The following DNAH17 variants were observed in gnomAD, a reference collection of about 807,000 sequenced individuals.
The protein encoded by DNAH17 is dynein axonemal heavy chain 17.
In DNAH17, 376 loss-of-function variants were observed where a neutral mutation model predicts 485.6. The ratio of observed to expected loss-of-function variants is 0.77; its 90% CI spans 0.71 to 0.84. The LOEUF is 0.84. Among genes scored for constraint, DNAH17 ranks in the 40% least tolerant of loss-of-function variants. DNAH17 has a pLI of 0.00. For missense variants in DNAH17, 6,370 were observed against 5,839.3 expected (o/e 1.09, Z -2.96); for synonymous variants, 3,031 against 2,405.9 (o/e 1.26, Z -7.60).
At chr17:78,521,892 C>T (rs952445238) in intron 25 of DNAH17, among the ~76,000 whole-genome samples, 8 of 152,062 alleles carry the variant, frequency 5.3e-5, no homozygotes, top group African/African-American at 1.2e-4. Flanking sequence ...GAGGCTGAGG[C>T]GAGAGAATCC....
chr17:78,562,984 C>G (rs970939194), intron 11 of DNAH17, among the ~76,000 whole-genome samples: 1 of 152,198 alleles, frequency 6.6e-6, no homozygotes, highest in African/African-American at 2.4e-5. Context: ...AGACCAGCTG[C>G]GGTGAGCCTG....
chr17:78,570,080 A>G (rs1219694845), intron 7 of DNAH17, among the ~76,000 whole-genome samples, 167 bp downstream of exon 7: 1 of 152,136 alleles, frequency 6.6e-6, no homozygotes, highest in Non-Finnish European at 1.5e-5. Context: ...AACTCTAGGT[A>G]GCCTTGAAGA....
chr17:78,462,957 G>A lies in DNAH17; in HGVS notation c.9061C>T (p.Leu3021=), dbSNP rs191885668. The change falls in exon 57 of 81, where the codon CTG becomes TTG. Residue 3021 remains leucine, a synonymous_variant. Transcript: ENST00000389840. ...RYNYTTPKTF[L]EQIKLYQNLL... ...TTCTGGTACAGTTTGATCTGCTCCA[G>A]AAAGGTTTTGGGTGTGGTGTAGTTG... is the stretch of plus-strand genomic sequence containing the variant. 80 of 1,614,012 alleles carry A rather than the reference G, an allele frequency of 5.0e-5. No individual in the cohort carries two copies. In the African/African-American group the frequency reaches 7.5e-4, roughly 15 times the overall value.
chr17:78,554,933 G>C (rs1263088670), intron 14 of DNAH17, among the ~76,000 whole-genome samples: 1 of 152,076 alleles, frequency 6.6e-6, no homozygotes, highest in Non-Finnish European at 1.5e-5. Flanking sequence ...TTTTTGTAGG[G>C]ATAGGGTATT....
Position 78,444,742 on chromosome 17 carries a change from G to A in DNAH17, c.11390C>T (p.Ala3797Val). The change falls in exon 71 of 81, where the codon GCC (alanine) becomes GTC (valine). Residue 3797 changes from alanine to valine, a missense_variant. Physicochemically the swap from Ala to Val is moderately conservative, Grantham distance 64. Coordinates refer to ENST00000389840, the MANE Select transcript of DNAH17 (RefSeq NM_173628.4). ...CTCCACCAGCTTTTTCCAGCGCTTGGCAGATCCTTCGATGTCACTGTCCAG... is the reference window on the plus strand; with the variant it reads ...CTCCACCAGCTTTTTCCAGCGCTTGACAGATCCTTCGATGTCACTGTCCAG... ...KNLDSDIEGS[A>V]KRWKKLVESE... The A allele has an allele frequency of 6.2e-7, 1 of 1,602,520 alleles. No individual in the cohort carries two copies.
At chr17:78,424,235 C>T in intron 80 of DNAH17, 82 bp from the exon 81 acceptor site, 2 of 1,489,844 alleles carry the variant, frequency 1.3e-6, no homozygotes, top group South Asian at 1.3e-5. Flanking sequence ...GGTCCTCACA[C>T]TCCCCGCCCT....
Position 78,553,283 on chromosome 17 carries a change from G to GGTTTTTTTTTTTTTT in DNAH17, c.2179-479_2179-478insAAAAAAAAAAAAAAC, listed in dbSNP as rs2091944708. ...AAATTACCCAGTCCCAGGTTTTTGT[G>GGTTTTTTTTTTTTTT]TTTTTTTTTTTTTTTTTTTTTTTTT... is the stretch of plus-strand genomic sequence containing the variant. On this transcript the variant is annotated intron_variant, in intron 14 of 80. Transcript: ENST00000389840. 2.0e-4 allele frequency among the ~76,000 whole-genome samples: 10 copies of GGTTTTTTTTTTTTTT among 51,018 alleles called. 3 individuals are homozygous for GGTTTTTTTTTTTTTT. Among genetic ancestry groups the GGTTTTTTTTTTTTTT allele is most frequent in the African/African-American group, 5.4e-4 (6 of 11,072 alleles). 33.5% of individuals were successfully genotyped at this position (51,018 alleles called of 152,430 possible).
chr17:78,493,473 G>A (rs139449448), intron 41 of DNAH17, among the ~76,000 whole-genome samples: 59 of 152,368 alleles, frequency 3.9e-4, no homozygotes, highest in African/African-American at 1.3e-3. Context: ...GACATTTCCT[G>A]TATGTGTATG....
In DNAH17 at chr17:78,501,223, C is replaced by G. The variant is rs2090277341; in HGVS notation, c.5444G>C (p.Gly1815Ala). 1 of 1,601,764 alleles carries G rather than the reference C, an allele frequency of 6.2e-7. No homozygotes were observed. The highest frequency in any genetic ancestry group is 8.5e-7 in the Non-Finnish European group (1 of 1,170,376). ...GGTGATGACCAGCCGCGGCGTGTTG[C>G]CCAGATACTCATAGGAATACTGGAT... is the stretch of plus-strand genomic sequence containing the variant. Reference protein sequence around the residue: ...AQIQYSYEYLGNTPRLVITPL... With the variant: ...AQIQYSYEYLANTPRLVITPL... The change falls in exon 35 of 81, where the codon GGC becomes GCC. Residue 1815 changes from glycine (G) to alanine (A), a missense_variant. Coordinates refer to ENST00000389840, the MANE Select transcript of DNAH17 (RefSeq NM_173628.4).
intron 75 of DNAH17, 87 bp from the exon 76 acceptor site, chr17:78,429,387 G>A: frequency 2.1e-6 from 3 of 1,426,792 alleles, no homozygotes; most frequent in Non-Finnish European, 2.9e-6. Context: ...GGCAGGGCGT[G>A]GGAACCCAGC....
At chr17:78,508,430 G>A (rs2120660) in intron 27 of DNAH17, among the ~76,000 whole-genome samples, 62,472 of 152,088 alleles carry the variant, frequency 0.41, 13,431 homozygotes, top group African/African-American at 0.49. Context: ...CTGCAACTCA[G>A]TACTTAAGTG....
At chr17:78,570,045 T>C (rs906607420) in intron 7 of DNAH17, among the ~76,000 whole-genome samples, 1 of 152,210 alleles carries the variant, frequency 6.6e-6, no homozygotes, top group African/African-American at 2.4e-5. Flanking sequence ...TCCCTTTCTT[T>C]TCCCTCAGTA....
chr17:78,509,024 T>C (rs1218930012), intron 27 of DNAH17, among the ~76,000 whole-genome samples: 4 of 129,028 alleles, frequency 3.1e-5, no homozygotes, highest in South Asian at 5.1e-4. Context: ...TGGACTGCAG[T>C]GGCGCGATCT....
In DNAH17 at chr17:78,444,806, A is replaced by G. The variant is rs2087211935; in HGVS notation, c.11335-9T>C. ...TCCATCTCCGAGAGGGCCTAGGGGC[A>G]GAGGCAGCGGGCCCTGTGACTCTTC... is the stretch of plus-strand genomic sequence containing the variant. On this transcript the variant is annotated splice_polypyrimidine_tract_variant and intron_variant, in intron 70 of 80. Coordinates refer to ENST00000389840, the MANE Select transcript of DNAH17 (RefSeq NM_173628.4). 1.3e-6 allele frequency: 2 copies of G among 1,554,820 alleles called. No homozygotes were observed. Among genetic ancestry groups the G allele is most frequent in the Non-Finnish European group, 1.7e-6 (2 of 1,152,852 alleles).
intron 22 of DNAH17, among the ~76,000 whole-genome samples, chr17:78,527,507 TTGTGGGTGTGGG>T (rs376997746): frequency 6.6e-6 from 1 of 152,160 alleles, no homozygotes; most frequent in Non-Finnish European, 1.5e-5. Context: ...CTGAATCCAT[TTGTGGGTGTGGG>T]TGTGGGTGTG....
intron 16 of DNAH17, among the ~76,000 whole-genome samples, chr17:78,547,439 A>G (rs4969206): frequency 0.11 from 16,425 of 152,102 alleles, 1,280 homozygotes; most frequent in South Asian, 0.2. Flanking sequence ...GCTTGGTAGA[A>G]ACATGCAGAA....
chr17:78,561,705 T>G lies in DNAH17; in HGVS notation c.1835+10A>C, dbSNP rs757896791. ...CGGGGTGCCTGCCCCTGCCCAGGGC[T>G]GTGACTCACGGGTGTTCGACGTGCT... On this transcript the variant is annotated intron_variant, in intron 12 of 80. Coordinates refer to ENST00000389840, the MANE Select transcript of DNAH17 (RefSeq NM_173628.4). 1 of 1,596,716 alleles carries G rather than the reference T, an allele frequency of 6.3e-7. No individual in the cohort carries two copies. Among genetic ancestry groups the G allele is most frequent in the African/African-American group, 1.3e-5 (1 of 74,716 alleles).
chr17:78,564,771 G>A (rs1163171798), intron 11 of DNAH17, among the ~76,000 whole-genome samples: 1 of 152,126 alleles, frequency 6.6e-6, no homozygotes, highest in Non-Finnish European at 1.5e-5. Context: ...TGACCTCAGG[G>A]AGTTTACCTT....
At chr17:78,450,182 A>C in intron 68 of DNAH17, 72 bp downstream of exon 68, 7 of 1,542,960 alleles carry the variant, frequency 4.5e-6, no homozygotes, top group East Asian at 2.3e-5. Flanking sequence ...TGTGTGGGCA[A>C]CAGGCCTGGC....
Sources: gnomAD v4.1 joint callset for allele counts (sites outside exome capture counted in the v4.1 genomes callset) on GRCh38, gnomAD v4.1.1 for gene constraint, MANE v1.5 for transcripts, NCBI Gene and HGNC (gene_info 2026-07-23, HGNC 2026-07-21) for gene names.